TMEM232: variants seen among roughly 807,000 people sequenced by gnomAD.
TMEM232 encodes the protein transmembrane protein 232.
Under a neutral mutation model 78.8 loss-of-function variants are expected in TMEM232, and 80 were observed. The observed-to-expected ratio is 1.01, with a 90% CI of 0.85 to 1.22. The LOEUF (loss-of-function observed/expected upper bound fraction) is 1.22, where lower values mean the gene tolerates loss of function less well. Ranked by LOEUF, TMEM232 falls within the 50% of genes most tolerant of loss-of-function variation. The pLI, the probability that TMEM232 is intolerant of heterozygous loss-of-function variation, is 0.00. For missense variants in TMEM232, 881 were observed against 742.2 expected (o/e 1.19, Z -2.17); for synonymous variants, 297 against 254.3 (o/e 1.17, Z -1.60).
intron 12 of TMEM232, among the ~76,000 whole-genome samples, chr5:110,493,590 G>A (rs1765333507): frequency 6.6e-6 from 1 of 152,012 alleles, no homozygotes; most frequent in African/African-American, 2.4e-5. Context: ...ATGAACAATT[G>A]TCAATAAATG....
At chr5:110,726,108 T>TCACACACA (rs3985014) in intron 1 of TMEM232, among the ~76,000 whole-genome samples, 5,820 of 144,590 alleles carry the variant, frequency 0.04, 213 homozygotes, top group African/African-American at 0.094. Flanking sequence ...CCTCTCTCTT[T>TCACACACA]CACACACACA....
At chr5:110,710,728 C>G (rs1414922175) in intron 1 of TMEM232, among the ~76,000 whole-genome samples, 3 of 150,958 alleles carry the variant, frequency 2.0e-5, no homozygotes, top group Non-Finnish European at 4.4e-5. Flanking sequence ...ATGATAAAAA[C>G]CCTTGAAAAA....
At chr5:110,488,154 G>A (rs981632075) in intron 12 of TMEM232, among the ~76,000 whole-genome samples, 4 of 152,046 alleles carry the variant, frequency 2.6e-5, no homozygotes, top group African/African-American at 9.7e-5. Context: ...GGTGTTCATT[G>A]CAGCCTTGAA....
At chr5:110,629,495 A>G (rs750972340) in intron 5 of TMEM232, among the ~76,000 whole-genome samples, 1 of 152,060 alleles carries the variant, frequency 6.6e-6, no homozygotes, top group Non-Finnish European at 1.5e-5. Context: ...ATTGTTCTTC[A>G]TGTATTATTT....
chr5:110,656,071 C>A (rs1182369696), intron 2 of TMEM232, among the ~76,000 whole-genome samples: 1 of 151,832 alleles, frequency 6.6e-6, no homozygotes, highest in Non-Finnish European at 1.5e-5. Flanking sequence ...AAAAACAATA[C>A]TTTAATTGGC....
intron 11 of TMEM232, among the ~76,000 whole-genome samples, chr5:110,534,739 C>A (rs1190353446): frequency 6.6e-6 from 1 of 152,158 alleles, no homozygotes; most frequent in Non-Finnish European, 1.5e-5. Context: ...AATAAATAAT[C>A]TTTGCTGGCA....
rs1232596724 is a variant in TMEM232 at position 110,580,089 on chromosome 5, A to T, written c.1277-11464T>A. ...GACTAAGAAAAATATTATGTAATAT[A>T]AAAGGATCAATCCACTAAAAAGATA... On this transcript the variant is annotated intron_variant, in intron 10 of 13. Coordinates refer to ENST00000455884, the MANE Select transcript of TMEM232 (RefSeq NM_001039763.4). 2.0e-5 allele frequency among the ~76,000 whole-genome samples: 3 copies of T among 151,764 alleles called. No individual in the cohort carries two copies. The East Asian group carries it at 5.8e-4, about 29-fold the overall frequency.
chr5:110,605,448 C>T, intron 9 of TMEM232, 90 bp from the exon 10 acceptor site: 1 of 1,372,634 alleles, frequency 7.3e-7, no homozygotes, highest in South Asian at 1.6e-5. Context: ...GTTAAAAGAC[C>T]ATAATAAACT....
At chr5:110,560,321 C>CA (rs1775594844) in intron 11 of TMEM232, among the ~76,000 whole-genome samples, 2 of 152,042 alleles carry the variant, frequency 1.3e-5, no homozygotes, top group Non-Finnish European at 2.9e-5. Flanking sequence ...TCAGCCATTT[C>CA]ATATGGGCCA....
chr5:110,709,455 C>T (rs74730473), intron 1 of TMEM232, among the ~76,000 whole-genome samples: 4 of 152,194 alleles, frequency 2.6e-5, no homozygotes, highest in African/African-American at 9.6e-5. Context: ...GCACATGGAT[C>T]ATTCTCTAGA....
At chr5:110,659,253 G>T (rs545939079) in intron 2 of TMEM232, among the ~76,000 whole-genome samples, 5 of 152,200 alleles carry the variant, frequency 3.3e-5, no homozygotes, top group African/African-American at 1.2e-4. Flanking sequence ...TGTCTTGCAA[G>T]ATCCCCTCTT....
At chr5:110,495,736 AT>A (rs1765571833) in intron 12 of TMEM232, among the ~76,000 whole-genome samples, 2 of 151,878 alleles carry the variant, frequency 1.3e-5, no homozygotes, top group African/African-American at 4.8e-5. Flanking sequence ...TACTATGAAA[AT>A]AAACAAAATG....
chr5:110,497,091 C>A lies in TMEM232; in HGVS notation c.1703+31497G>T, dbSNP rs1765724764. ...GATAAGGAATTTGGATCAGATATAT[C>A]TATGGTCTCCTCCAAATCAATAAAC... On this transcript the variant is annotated intron_variant, in intron 12 of 13. Coordinates refer to ENST00000455884, the MANE Select transcript of TMEM232 (RefSeq NM_001039763.4). Among the ~76,000 whole-genome samples, 3 of 151,778 alleles carry A rather than the reference C, an allele frequency of 2.0e-5. No individual in the cohort carries two copies. The South Asian group carries it at 6.2e-4, about 32-fold the overall frequency.
chr5:110,498,055 T>C (rs529800026), intron 12 of TMEM232, among the ~76,000 whole-genome samples: 1 of 152,264 alleles, frequency 6.6e-6, no homozygotes, highest in African/African-American at 2.4e-5. Flanking sequence ...ACAGTTTAAA[T>C]GCATTTATTT....
chr5:110,455,380 CTT>C (rs567534953), intron 12 of TMEM232, among the ~76,000 whole-genome samples: 6 of 142,846 alleles, frequency 4.2e-5, no homozygotes, highest in Non-Finnish European at 6.2e-5. Flanking sequence ...TAGATATAAA[CTT>C]TTTTTTTTTT....
chr5:110,476,972 C>G (rs1217393834), intron 12 of TMEM232, among the ~76,000 whole-genome samples: 1 of 151,834 alleles, frequency 6.6e-6, no homozygotes, highest in Admixed American at 6.6e-5. Context: ...TTAAGACAGC[C>G]AGCAAATGGG....
chr5:110,673,077 G>T (rs1285926701), intron 1 of TMEM232, among the ~76,000 whole-genome samples: 1 of 152,106 alleles, frequency 6.6e-6, no homozygotes. Flanking sequence ...TGATAGACTG[G>T]ATTAAGAAAA....
chr5:110,484,188 C>T (rs568352723), intron 12 of TMEM232, among the ~76,000 whole-genome samples: 6 of 152,138 alleles, frequency 3.9e-5, no homozygotes, highest in Non-Finnish European at 8.8e-5. Flanking sequence ...TGTTGAAAAA[C>T]TAATGATTAG....
At chr5:110,410,402 C>T (rs772551143) in intron 2 of TMEM232, among the ~76,000 whole-genome samples, 15 of 152,146 alleles carry the variant, frequency 9.9e-5, no homozygotes, top group Non-Finnish European at 2.1e-4. Flanking sequence ...GAAGGAATAT[C>T]TCTTCTACAG....
Sources: gnomAD v4.1 joint callset for allele counts (sites outside exome capture counted in the v4.1 genomes callset) on GRCh38, gnomAD v4.1.1 for gene constraint, MANE v1.5 for transcripts, NCBI Gene and HGNC (gene_info 2026-07-23, HGNC 2026-07-21) for gene names.